DNAH17: variants seen among roughly 807,000 people sequenced by gnomAD.
DNAH17 encodes dynein axonemal heavy chain 17.
DNAH17 carries 376 observed loss-of-function variants against 485.6 expected under a neutral mutation model. That is an observed-to-expected ratio of 0.77 (90% CI 0.71 to 0.84). The LOEUF (loss-of-function observed/expected upper bound fraction) is 0.84. Among genes scored for constraint, DNAH17 ranks in the 40% least tolerant of loss-of-function variants. DNAH17 has a pLI of 0.00. For synonymous variants in DNAH17, 3,031 were observed against 2,405.9 expected (o/e 1.26, Z -7.60); for missense variants, 6,370 against 5,839.3 (o/e 1.09, Z -2.96).
intron 25 of DNAH17, among the ~76,000 whole-genome samples, chr17:78,515,309 G>A (rs2090751830): frequency 6.6e-6 from 1 of 152,156 alleles, no homozygotes; most frequent in South Asian, 2.1e-4. Flanking sequence ...AGGAGTTCGA[G>A]ACCAGCCTGA....
intron 75 of DNAH17, among the ~76,000 whole-genome samples, chr17:78,431,223 T>C (rs1217210283): frequency 6.6e-6 from 1 of 152,172 alleles, no homozygotes; most frequent in Non-Finnish European, 1.5e-5. Flanking sequence ...TTTTCCACAT[T>C]ATCATTAGCG....
intron 80 of DNAH17, chr17:78,424,635 AAAATAAACAAACATGGAG>A (rs1430334030): frequency 1.3e-5 from 2 of 155,550 alleles, no homozygotes; most frequent in African/African-American, 4.8e-5. Context: ...CTGAAATCTC[AAAATAAACAAACATGGAG>A]AGCTTATCTT....
chr17:78,431,457 C>CCCCCCCCCCG (rs1003682284), intron 75 of DNAH17, among the ~76,000 whole-genome samples: 14 of 148,294 alleles, frequency 9.4e-5, no homozygotes, highest in African/African-American at 3.4e-4. Context: ...AACCCCCCAC[C>CCCCCCCCCCG]CCGAGACTCC....
intron 48 of DNAH17, among the ~76,000 whole-genome samples, chr17:78,484,324 A>AG (rs914793715): frequency 6.6e-6 from 1 of 151,772 alleles, no homozygotes; most frequent in African/African-American, 2.4e-5. Flanking sequence ...CACGTGTGGC[A>AG]GGGCATTTAC....
intron 33 of DNAH17, chr17:78,502,358 G>A (rs1189149831): frequency 4.9e-6 from 2 of 410,336 alleles, no homozygotes; most frequent in Non-Finnish European, 8.7e-6. Context: ...TTTCAGGCGA[G>A]AAATCAAAGT....
chr17:78,448,202 GAA>G (rs59164677), intron 69 of DNAH17, among the ~76,000 whole-genome samples: 1 of 138,992 alleles, frequency 7.2e-6, no homozygotes. Context: ...AACCAGAACA[GAA>G]AAAAAAAAAA....
chr17:78,424,346 C>T lies in DNAH17; in HGVS notation c.13142-193G>A, dbSNP rs1034002842. On this transcript the variant is annotated intron_variant, in intron 80 of 80. Coordinates refer to ENST00000389840, the MANE Select transcript of DNAH17 (RefSeq NM_173628.4). ...GGCCTGCATGTTGTAACTACCCCGTCCCGCTGGGCTCAAGGAACAGCTCAG... is the reference window on the plus strand; with the variant it reads ...GGCCTGCATGTTGTAACTACCCCGTTCCGCTGGGCTCAAGGAACAGCTCAG... 2.5e-5 allele frequency: 16 copies of T among 628,216 alleles called. No individual in the cohort carries two copies. In the Admixed American group the frequency reaches 5.0e-4, roughly 19 times the overall value. The allele number at this position is 628,216 out of a possible 1,614,324, so 38.9% of individuals were successfully genotyped here. A position where few individuals can be genotyped will look rare whatever the true frequency, so the allele number is the denominator to read the frequency against.
chr17:78,484,739 A>ACCCCCCTGCCGCCCCCCCC, intron 48 of DNAH17, 129 bp downstream of exon 48: 3 of 347,796 alleles, frequency 8.6e-6, no homozygotes, highest in Non-Finnish European at 9.1e-6. Context: ...ACGTTGCAGC[A>ACCCCCCTGCCGCCCCCCCC]CCCCCCCCAC....
In DNAH17 at chr17:78,434,023, CCT is replaced by C. The variant is rs1568045254; in HGVS notation, c.12225+4_12225+5del. 1 of 1,575,068 alleles carries C rather than the reference CCT, an allele frequency of 6.3e-7. No individual in the cohort carries two copies. ...GTCCAAGTACAGGGCACACACAGCC[CCT>C]CACCTTGGGGTTGGCCTCCAGGTAG... On this transcript the variant is annotated splice_donor_5th_base_variant and intron_variant, in intron 75 of 80. Transcript: ENST00000389840.
chr17:78,551,558 CTA>C lies in DNAH17; in HGVS notation c.2366_2367del (p.Ile789ArgfsTer17). ...ACCTTCATAGCCTGGGAAATTCCTTCTATATTTTGTTTTGCCTTTTGCATCCT... is the reference window on the plus strand; with the variant it reads ...ACCTTCATAGCCTGGGAAATTCCTTCTATTTTGTTTTGCCTTTTGCATCCT... The part of the protein sequence containing the change: ...QNRMQKAKQN[I>X]EGISQAMKDW... On this transcript the variant is annotated frameshift_variant, in exon 16 of 81. Coordinates refer to ENST00000389840, the MANE Select transcript of DNAH17 (RefSeq NM_173628.4). LOFTEE classifies it high-confidence loss of function. 6.2e-7 allele frequency: 1 copy of C among 1,614,014 alleles called. No homozygotes were observed. Among genetic ancestry groups the C allele is most frequent in the Non-Finnish European group, 8.5e-7 (1 of 1,179,878 alleles).
intron 37 of DNAH17, among the ~76,000 whole-genome samples, chr17:78,496,242 T>A (rs763547419): frequency 2.6e-5 from 4 of 152,092 alleles, no homozygotes; most frequent in Non-Finnish European, 5.9e-5. Context: ...CCAGGCACAG[T>A]GGCTCACACC....
Position 78,494,718 on chromosome 17 carries a change from G to T in DNAH17, c.6145C>A (p.Arg2049=), listed in dbSNP as rs144975660. The change falls in exon 40 of 81, where the codon CGG becomes AGG. Residue 2049 remains arginine, a synonymous_variant. Transcript: ENST00000389840. ...GGGATGTTGAAGTCTCTCAGCGCCC[G>T]CATGAGCACCTGGTCCTCTGCCCGG... The part of the protein sequence containing the change: ...PSRAEDQVLM[R]ALRDFNIPKI... 10 of 1,613,818 alleles carry T rather than the reference G, an allele frequency of 6.2e-6. No individual in the cohort carries two copies. Among genetic ancestry groups the T allele is most frequent in the South Asian group, 5.5e-5 (5 of 91,082 alleles).
chr17:78,573,602 A>AAG (rs2092391042), intron 2 of DNAH17, among the ~76,000 whole-genome samples: 1 of 139,330 alleles, frequency 7.2e-6, no homozygotes, highest in Non-Finnish European at 1.6e-5. Flanking sequence ...ACTGTCAAAA[A>AAG]AAAAAAAAAA....
intron 75 of DNAH17, among the ~76,000 whole-genome samples, chr17:78,429,908 T>G (rs72907440): frequency 0.14 from 21,012 of 152,188 alleles, 1,624 homozygotes; most frequent in Middle Eastern, 0.2. Flanking sequence ...CCAGGGTCTT[T>G]GCAGTCACAT....
rs751060283 is a variant in DNAH17 at position 78,530,524 on chromosome 17, G to A, written c.3115-12C>T. On this transcript the variant is annotated splice_polypyrimidine_tract_variant and intron_variant, in intron 20 of 80. Transcript: ENST00000389840. Reference sequence around the variant, plus strand: ...TCGTAGGAGTCGATCTGGAAAACACGGCCACCGGCGGCCTGTCATAGCCTG... The same window carrying A: ...TCGTAGGAGTCGATCTGGAAAACACAGCCACCGGCGGCCTGTCATAGCCTG... The A allele has an allele frequency of 3.8e-6, 6 of 1,594,284 alleles. No individual in the cohort carries two copies. Among genetic ancestry groups the A allele is most frequent in the South Asian group, 2.2e-5 (2 of 89,012 alleles).
intron 9 of DNAH17, among the ~76,000 whole-genome samples, chr17:78,568,015 A>G (rs2092295908): frequency 6.6e-6 from 1 of 152,154 alleles, no homozygotes; most frequent in Non-Finnish European, 1.5e-5. Flanking sequence ...ACGAAGCATC[A>G]GGCCACGCAC....
chr17:78,432,079 T>C (rs934986274), intron 75 of DNAH17, among the ~76,000 whole-genome samples: 4 of 151,856 alleles, frequency 2.6e-5, no homozygotes, highest in Non-Finnish European at 5.9e-5. Context: ...CTTGAGAGGC[T>C]GGGGTGGGAG....
At position 78,468,752 on chromosome 17, in the gene DNAH17, G is replaced by A; in HGVS notation, c.8643C>T (p.Ile2881=). ...LINDLLASGE[I]PGLFMEDEVE... ...CCTCGTCCTCCATAAACAGCCCAGG[G>A]ATCTCTCCTGAGGCCAGCAGGTCAT... Residue 2881 remains isoleucine, a synonymous_variant, in exon 55 of 81, where the codon ATC becomes ATT. Transcript: ENST00000389840. 1 of 1,614,036 alleles carries A rather than the reference G, an allele frequency of 6.2e-7. No homozygotes were observed. Among genetic ancestry groups the A allele is most frequent in the Non-Finnish European group, 8.5e-7 (1 of 1,179,896 alleles).
chr17:78,526,768 T>C (rs765067341), intron 23 of DNAH17, 31 bp from the exon 24 acceptor site: 118 of 1,580,458 alleles, frequency 7.5e-5, no homozygotes, highest in Non-Finnish European at 3.5e-6. Context: ...GTACAGAGAG[T>C]CACGGGGCGG....
Sources: allele counts gnomAD v4.1 joint callset (sites outside exome capture counted in the v4.1 genomes callset), GRCh38; gene constraint gnomAD v4.1.1; transcripts MANE v1.5; gene names NCBI Gene and HGNC (gene_info 2026-07-23, HGNC 2026-07-21).